GPAT4: variants seen among roughly 807,000 people sequenced by gnomAD.
The protein encoded by GPAT4 is 1-AGP acyltransferase 6.
In GPAT4, 17 loss-of-function variants were observed where a neutral mutation model predicts 58.0. That is an observed-to-expected ratio of 0.29 (90% CI 0.20 to 0.44). GPAT4 has a LOEUF of 0.44. Among genes scored for constraint, GPAT4 ranks in the 20% least tolerant of loss-of-function variants. GPAT4 has a pLI of 1.00. For synonymous variants in GPAT4, 204 were observed against 210.1 expected (o/e 0.97, Z 0.25); for missense variants, 377 against 574.5 (o/e 0.66, Z 3.51).
At chr8:41,598,084 CTG>C (rs1263382922) in intron 1 of GPAT4, among the ~76,000 whole-genome samples, 1 of 152,196 alleles carries the variant, frequency 6.6e-6, no homozygotes, top group Non-Finnish European at 1.5e-5. Context: ...GGGTTGAAAA[CTG>C]TGAAACCTCT....
intron 12 of GPAT4, among the ~76,000 whole-genome samples, chr8:41,620,236 G>A (rs1803708040): frequency 6.6e-6 from 1 of 151,762 alleles, no homozygotes; most frequent in South Asian, 2.1e-4. Flanking sequence ...GTGTAGGCAC[G>A]GAGGGGGCCA....
chr8:41,592,911 G>A (rs747556755), intron 1 of GPAT4, among the ~76,000 whole-genome samples: 3 of 152,270 alleles, frequency 2.0e-5, no homozygotes, highest in Non-Finnish European at 4.4e-5. Context: ...CCTTAGTACA[G>A]GAAGGGCCAC....
At chr8:41,601,920 A>T (rs1803111147) in intron 2 of GPAT4, among the ~76,000 whole-genome samples, 1 of 151,904 alleles carries the variant, frequency 6.6e-6, no homozygotes. Flanking sequence ...ATTTGAAGCC[A>T]CATCTTGAAA....
At chr8:41,581,993 ATTTTTTTTT>A (rs71230849) in intron 1 of GPAT4, among the ~76,000 whole-genome samples, 3,384 of 63,288 alleles carry the variant, frequency 0.053, 33 homozygotes, top group African/African-American at 0.077. Flanking sequence ...AAGTTCAATG[ATTTTTTTTT>A]TTTTTTTTTT....
At chr8:41,615,179 T>C (rs748327436) in intron 10 of GPAT4, 131 bp downstream of exon 10, 4 of 728,684 alleles carry the variant, frequency 5.5e-6, no homozygotes, top group Non-Finnish European at 9.1e-6. Flanking sequence ...GGCGTGGGGC[T>C]GGGTTGACGT....
chr8:41,620,883 G>T lies in GPAT4; in HGVS notation c.1263-10G>T, dbSNP rs1480368101. ...TTGGCTGTTACTACATCCAGCCTTT[G>T]TCTCTCCAGGGATGGGGGCCTGAAG... On this transcript the variant is annotated splice_polypyrimidine_tract_variant and intron_variant, in intron 12 of 12. Coordinates refer to ENST00000396987, the MANE Select transcript of GPAT4 (RefSeq NM_178819.4). 6.5e-7 allele frequency: 1 copy of T among 1,550,346 alleles called. No individual in the cohort carries two copies. Among genetic ancestry groups the T allele is most frequent in the Non-Finnish European group, 8.7e-7 (1 of 1,146,960 alleles).
chr8:41,595,325 C>CTTTT (rs61465079), intron 1 of GPAT4, among the ~76,000 whole-genome samples: 1 of 73,812 alleles, frequency 1.4e-5, no homozygotes, highest in Non-Finnish European at 2.5e-5. Flanking sequence ...TTAAATCTTC[C>CTTTT]TTTTTTTTTT....
At chr8:41,619,133 C>G (rs547357274) in intron 12 of GPAT4, 156 bp downstream of exon 12, 3 of 871,148 alleles carry the variant, frequency 3.4e-6, no homozygotes, top group Non-Finnish European at 5.3e-6. Flanking sequence ...CAGAAGTGCC[C>G]TGTGCTTCCT....
At chr8:41,599,452 C>T in intron 2 of GPAT4, 148 bp downstream of exon 2, 1 of 955,602 alleles carries the variant, frequency 1.0e-6, no homozygotes, top group Non-Finnish European at 1.5e-6. Context: ...AGAAGAATAA[C>T]TAAACGTCTA....
At chr8:41,616,787 G>A (rs780635610) in intron 10 of GPAT4, among the ~76,000 whole-genome samples, 2 of 152,146 alleles carry the variant, frequency 1.3e-5, no homozygotes, top group Non-Finnish European at 2.9e-5. Flanking sequence ...ACAGAGTAGA[G>A]CCCATGTATG....
chr8:41,613,049 G>A, intron 8 of GPAT4, 89 bp downstream of exon 8: 7 of 1,075,772 alleles, frequency 6.5e-6, no homozygotes, highest in South Asian at 1.5e-5. Flanking sequence ...GCAGTTACGT[G>A]CCTTCTATCA....
At chr8:41,581,625 CTTTTTTTTTTT>C in intron 1 of GPAT4, among the ~76,000 whole-genome samples, 1 of 110,556 alleles carries the variant, frequency 9.0e-6, no homozygotes, top group Admixed American at 9.2e-5. Context: ...CCTTTGTTGA[CTTTTTTTTTTT>C]TTTTTTTTTT....
chr8:41,610,014 C>T (rs1803396394), intron 4 of GPAT4, 59 bp downstream of exon 4: 3 of 1,540,894 alleles, frequency 1.9e-6, no homozygotes, highest in African/African-American at 1.4e-5. Context: ...GTGCACAGCC[C>T]ACCTGCCTGC....
Position 41,599,010 on chromosome 8 carries a change from T to G in GPAT4, c.-130T>G. On this transcript the variant is annotated 5_prime_UTR_variant, in exon 2 of 13. Coordinates refer to ENST00000396987, the MANE Select transcript of GPAT4 (RefSeq NM_178819.4). ...ATTCAGGCGGTTGAAGGGTGTGGAC[T>G]TTGGAATGGGGTTTGCTGTTCTTCG... 1 of 1,273,830 alleles carries G rather than the reference T, an allele frequency of 7.9e-7. No homozygotes were observed. The allele number at this position is 1,273,830 out of a possible 1,614,324, so 78.9% of individuals were successfully genotyped here.
At chr8:41,594,700 C>T (rs1446819982) in intron 1 of GPAT4, among the ~76,000 whole-genome samples, 4 of 152,050 alleles carry the variant, frequency 2.6e-5, no homozygotes, top group African/African-American at 7.2e-5. Flanking sequence ...CGCCCGCCAC[C>T]ACACCTGGCT....
At chr8:41,599,496 C>T (rs1005167302) in intron 2 of GPAT4, among the ~76,000 whole-genome samples, 192 bp downstream of exon 2, 3 of 152,058 alleles carry the variant, frequency 2.0e-5, no homozygotes, top group Admixed American at 6.6e-5. Flanking sequence ...TGATTTATGC[C>T]GAGCCGAGGG....
rs573803778 is a variant in GPAT4 at position 41,623,197 on chromosome 8, G to C, written c.*2196G>C. 6 of 152,322 alleles carry C rather than the reference G, an allele frequency of 3.9e-5. No individual in the cohort carries two copies. Among genetic ancestry groups the C allele is most frequent in the Non-Finnish European group, 7.3e-5 (5 of 68,058 alleles). The allele number at this position is 152,322 out of a possible 1,614,324, so 9.4% of individuals were successfully genotyped here. ...AGCACTGATTCACGCCTGCAGAAAC[G>C]TAACCTCCCCTTTCCGTGTATGCCT... On this transcript the variant is annotated 3_prime_UTR_variant, in exon 13 of 13. Transcript: ENST00000396987.
intron 1 of GPAT4, chr8:41,578,508 G>C (rs1168782165): frequency 6.6e-6 from 1 of 151,876 alleles, no homozygotes; most frequent in Non-Finnish European, 1.5e-5. Context: ...CCCGAACCCC[G>C]GCCGCCCGCC....
Position 41,612,028 on chromosome 8 carries a change from C to T in GPAT4, c.701+36C>T, listed in dbSNP as rs28625822. 4.7e-3 allele frequency: 7,616 copies of T among 1,608,828 alleles called. 218 individuals are homozygous for T. In the African/African-American group the frequency reaches 0.073, roughly 16 times the overall value. The stretch of plus-strand genomic sequence containing the variant: ...TTTGTATTGATAGGAAGGGAGATGG[C>T]GCTGCAGGAAACACCACCCACCTAT... On this transcript the variant is annotated intron_variant, in intron 6 of 12. Transcript: ENST00000396987.
Sources: gnomAD v4.1 joint callset for allele counts (sites outside exome capture counted in the v4.1 genomes callset) on GRCh38, gnomAD v4.1.1 for gene constraint, MANE v1.5 for transcripts, NCBI Gene and HGNC (gene_info 2026-07-23, HGNC 2026-07-21) for gene names.